SYCP1: variants seen among roughly 807,000 people sequenced by gnomAD.
The protein encoded by SYCP1 is synaptonemal complex protein 1, also known as cancer/testis antigen 8.
SYCP1 carries 64 observed loss-of-function variants against 153.1 expected under a neutral mutation model. That is an observed-to-expected ratio of 0.42 (90% CI 0.34 to 0.51). The LOEUF (loss-of-function observed/expected upper bound fraction) is 0.51. Ranked by LOEUF, SYCP1 falls within the 20% of genes least tolerant of loss-of-function variation. The pLI, the probability that SYCP1 is intolerant of heterozygous loss-of-function variation, is 0.06. For missense variants in SYCP1, 997 were observed against 1,049.0 expected (o/e 0.95, Z 0.68); for synonymous variants, 384 against 341.8 (o/e 1.12, Z -1.36).
chr1:114,952,512 G>C (rs1465074661), intron 27 of SYCP1, among the ~76,000 whole-genome samples: 1 of 152,124 alleles, frequency 6.6e-6, no homozygotes, highest in Non-Finnish European at 1.5e-5. Flanking sequence ...GGGCTGGGGA[G>C]GCCTCAGGAA....
chr1:114,959,519 A>G (rs1671651592), intron 27 of SYCP1, among the ~76,000 whole-genome samples: 1 of 152,116 alleles, frequency 6.6e-6, no homozygotes, highest in South Asian at 2.1e-4. Flanking sequence ...ACATTGTGTA[A>G]TAATTTTATC....
In SYCP1 at chr1:114,857,225, C is replaced by T; in HGVS notation, c.194-7C>T. 1 of 1,540,912 alleles carries T rather than the reference C, an allele frequency of 6.5e-7. No homozygotes were observed. Among genetic ancestry groups the T allele is most frequent in the Non-Finnish European group, 8.8e-7 (1 of 1,136,774 alleles). On this transcript the variant is annotated splice_polypyrimidine_tract_variant and splice_region_variant and intron_variant, in intron 3 of 31. Coordinates refer to ENST00000369522, the MANE Select transcript of SYCP1 (RefSeq NM_003176.4). ...GTATTTAATACCTGTTGTCTTTTAT[C>T]TTGCAGATCCTGCTTTACAAAAAGT...
In SYCP1 at chr1:114,964,607, T is replaced by C. The variant is rs192727675; in HGVS notation, c.2323-12950T>C. ...TTTTCTGCATATGGCTAGCCAGTTT[T>C]CCCAATACCATTTATTAAATAGGGA... On this transcript the variant is annotated intron_variant, in intron 27 of 31. Transcript: ENST00000369522. Among the ~76,000 whole-genome samples, 80 of 152,320 alleles carry C rather than the reference T, an allele frequency of 5.3e-4. 1 individual carries two copies. The highest frequency in any genetic ancestry group is 4.8e-3 in the Admixed American group (74 of 15,304).
At chr1:114,934,509 C>A (rs1669854295) in intron 23 of SYCP1, among the ~76,000 whole-genome samples, 1 of 152,094 alleles carries the variant, frequency 6.6e-6, no homozygotes, top group Non-Finnish European at 1.5e-5. Flanking sequence ...AAATAACGAG[C>A]AAAATAACCA....
chr1:114,905,570 A>G (rs755178055), intron 16 of SYCP1, among the ~76,000 whole-genome samples: 3 of 152,236 alleles, frequency 2.0e-5, no homozygotes, highest in Non-Finnish European at 4.4e-5. Context: ...CCAACATGGT[A>G]GATTAGCTTC....
chr1:114,974,633 C>T (rs896978245), intron 27 of SYCP1, among the ~76,000 whole-genome samples: 5 of 151,758 alleles, frequency 3.3e-5, no homozygotes, highest in Non-Finnish European at 5.9e-5. Flanking sequence ...ATAATGTCCT[C>T]GAGGTTTATC....
chr1:114,909,772 A>G (rs370983090), intron 16 of SYCP1, among the ~76,000 whole-genome samples: 2 of 152,246 alleles, frequency 1.3e-5, no homozygotes, highest in East Asian at 1.9e-4. Flanking sequence ...GCATGAAACC[A>G]TGGTTATTGT....
intron 27 of SYCP1, among the ~76,000 whole-genome samples, chr1:114,962,205 GA>G (rs1442935716): frequency 6.6e-6 from 1 of 151,826 alleles, no homozygotes; most frequent in Non-Finnish European, 1.5e-5. Context: ...GGCTGGTCTC[GA>G]ACTCCTGACC....
chr1:114,864,357 G>A (rs1408320546), intron 8 of SYCP1, among the ~76,000 whole-genome samples: 1 of 152,138 alleles, frequency 6.6e-6, no homozygotes, highest in Non-Finnish European at 1.5e-5. Flanking sequence ...TAAGTGCAAA[G>A]TCCCAGAGAT....
At chr1:114,901,249 T>C (rs567571567) in intron 16 of SYCP1, among the ~76,000 whole-genome samples, 4 of 151,864 alleles carry the variant, frequency 2.6e-5, no homozygotes, top group Non-Finnish European at 5.9e-5. Context: ...AAAAATAATT[T>C]AGTCAACTGA....
chr1:114,989,456 A>T (rs12735329), intron 30 of SYCP1, among the ~76,000 whole-genome samples: 138 of 152,026 alleles, frequency 9.1e-4, no homozygotes, highest in African/African-American at 3.1e-3. Context: ...TGGAGACAAA[A>T]CCCTATAAGA....
intron 7 of SYCP1, among the ~76,000 whole-genome samples, chr1:114,860,349 A>G (rs1664286889): frequency 6.6e-6 from 1 of 152,130 alleles, no homozygotes; most frequent in Non-Finnish European, 1.5e-5. Flanking sequence ...TGAAGGTTAG[A>G]CATATATTAA....
intron 21 of SYCP1, among the ~76,000 whole-genome samples, chr1:114,925,670 G>A (rs12067011): frequency 0.015 from 2,317 of 151,982 alleles, 53 homozygotes; most frequent in African/African-American, 0.053. Flanking sequence ...CTATCTCATT[G>A]GATTGTTGCA....
intron 9 of SYCP1, among the ~76,000 whole-genome samples, 178 bp from the exon 10 acceptor site, chr1:114,875,891 A>G (rs1481389212): frequency 6.6e-6 from 1 of 152,250 alleles, no homozygotes. Flanking sequence ...TGGGAAACTA[A>G]CATAAGGCCC....
intron 30 of SYCP1, among the ~76,000 whole-genome samples, chr1:114,990,566 C>T (rs1337541596): frequency 2.0e-5 from 3 of 151,694 alleles, no homozygotes; most frequent in Admixed American, 1.3e-4. Flanking sequence ...AAAAGATCAA[C>T]AAAATAGGCA....
chr1:114,960,605 C>T (rs935109636), intron 27 of SYCP1, among the ~76,000 whole-genome samples: 22 of 152,186 alleles, frequency 1.4e-4, no homozygotes, highest in African/African-American at 5.1e-4. Context: ...GCCATTTTAA[C>T]TGGGGTAAGA....
intron 7 of SYCP1, 27 bp downstream of exon 7, chr1:114,859,837 C>G: frequency 3.1e-6 from 2 of 643,904 alleles, no homozygotes; most frequent in Non-Finnish European, 4.5e-6. Flanking sequence ...TGAATTTGTT[C>G]TTTTCACATT....
intron 27 of SYCP1, among the ~76,000 whole-genome samples, chr1:114,959,318 T>C (rs952254853): frequency 3.3e-5 from 5 of 152,232 alleles, no homozygotes; most frequent in Admixed American, 3.3e-4. Flanking sequence ...AAATTCTACT[T>C]GGTCTTGGTA....
chr1:114,942,907 A>G (rs1484447313), intron 23 of SYCP1, among the ~76,000 whole-genome samples: 1 of 151,956 alleles, frequency 6.6e-6, no homozygotes, highest in African/African-American at 2.4e-5. Flanking sequence ...AACTTTACAT[A>G]TATAAAGAAC....
Sources: allele counts gnomAD v4.1 joint callset (sites outside exome capture counted in the v4.1 genomes callset), GRCh38; gene constraint gnomAD v4.1.1; transcripts MANE v1.5; gene names NCBI Gene and HGNC (gene_info 2026-07-23, HGNC 2026-07-21).